The following MZT2B variants were observed in gnomAD, a reference collection of about 807,000 sequenced individuals.
The protein encoded by MZT2B is mitotic-spindle organizing protein 2B.
MZT2B carries 11 observed loss-of-function variants against 12.1 expected under a neutral mutation model. That is an observed-to-expected ratio of 0.91 (90% CI 0.57 to 1.50). The LOEUF is 1.50. MZT2B is among the 40% of genes most tolerant of loss of function. MZT2B has a pLI of 0.00. For missense variants in MZT2B, 209 were observed against 227.7 expected, an observed-to-expected ratio of 0.92 and a Z score of 0.53; for synonymous variants, 85 against 109.5, an observed-to-expected ratio of 0.78 and a Z score of 1.40.
chr2:130,188,828 C>T (rs1437049001), intron 2 of MZT2B, among the ~76,000 whole-genome samples: 3 of 151,894 alleles, frequency 2.0e-5, no homozygotes. Flanking sequence ...ATCTCAGACA[C>T]AGGAGTCTCT....
chr2:130,187,414 T>C (rs1228967945), intron 2 of MZT2B, among the ~76,000 whole-genome samples: 2 of 152,186 alleles, frequency 1.3e-5, no homozygotes, highest in Non-Finnish European at 2.9e-5. Context: ...GTCTCTAGCT[T>C]CTGGCCTCAA....
the MZT2B span, among the ~76,000 whole-genome samples, chr2:130,196,605 C>T: frequency 6.6e-6 from 1 of 152,194 alleles, no homozygotes; most frequent in Non-Finnish European, 1.5e-5. Flanking sequence ...TTTGCCACTA[C>T]ACAAAACTTA....
chr2:130,191,778 C>T (rs143269025), downstream of MZT2B: 1 of 1,572,218 alleles, frequency 6.4e-7, no homozygotes, highest in Non-Finnish European at 8.6e-7. Flanking sequence ...TTGCAAACAA[C>T]TTGAAAGCAG....
intron 1 of MZT2B, 78 bp downstream of exon 1, chr2:130,182,530 G>C: frequency 6.5e-7 from 1 of 1,549,492 alleles, no homozygotes; most frequent in Non-Finnish European, 8.7e-7. Context: ...CGGCCCGCTG[G>C]TCGGGAGGAG....
At chr2:130,200,321 G>T in the MZT2B span, among the ~76,000 whole-genome samples, 1 of 151,854 alleles carries the variant, frequency 6.6e-6, no homozygotes, top group Admixed American at 6.6e-5. Context: ...AACCCGGGAG[G>T]TGGAGCTTGC....
chr2:130,196,859 C>T, the MZT2B span, among the ~76,000 whole-genome samples: 4 of 152,218 alleles, frequency 2.6e-5, no homozygotes, highest in African/African-American at 9.6e-5. Flanking sequence ...ACCACCTGCT[C>T]TGTGCTCTCG....
intron 2 of MZT2B, among the ~76,000 whole-genome samples, chr2:130,187,506 A>G (rs1690109603): frequency 6.6e-6 from 1 of 152,220 alleles, no homozygotes; most frequent in Non-Finnish European, 1.5e-5. Flanking sequence ...GCTGTTTTCA[A>G]CATTCAATGG....
At position 130,182,691 on chromosome 2, in the gene MZT2B, A is replaced by C; in HGVS notation, c.235A>C (p.Met79Leu). ...CGCCGTCTTCCAGATGCTCAAGTCC[A>C]TGTGTGCCGGGCAGAGGCTAGCGAG... ...PLAVFQMLKS[M>L]CAGQRLASEP... is the part of the protein sequence containing the mutation. The change falls in exon 2 of 3, where the codon ATG becomes CTG. Residue 79 changes from methionine to leucine, a missense_variant. Physicochemically the swap from Met to Leu is conservative, Grantham distance 15 (BLOSUM62 2). Transcript: ENST00000281871. 1 of 1,552,378 alleles carries C rather than the reference A, an allele frequency of 6.4e-7. No individual in the cohort carries two copies. Among genetic ancestry groups the C allele is most frequent in the Non-Finnish European group, 8.7e-7 (1 of 1,148,288 alleles).
At chr2:130,184,038 A>C (rs1221532309) in intron 2 of MZT2B, 2 of 1,550,166 alleles carry the variant, frequency 1.3e-6, no homozygotes, top group Non-Finnish European at 1.7e-6. Flanking sequence ...TGGCCCCAGG[A>C]GGCCCAAGCA....
chr2:130,182,263 C>A lies in MZT2B; in HGVS notation c.-20C>A, dbSNP rs533602859. ...AGGGGGCGCGGCGGGGCGGAGCGCA[C>A]CTTTCCGCGGGCCGCGGGGATGGCG... On this transcript the variant is annotated 5_prime_UTR_variant, in exon 1 of 3. Coordinates refer to ENST00000281871, the MANE Select transcript of MZT2B (RefSeq NM_025029.5). The A allele has an allele frequency of 6.4e-3, 8,270 of 1,293,836 alleles. 260 individuals carry two copies. The African/African-American group carries it at 0.088, about 14-fold the overall frequency. The allele number at this position is 1,293,836 out of a possible 1,614,324, so 80.1% of individuals were successfully genotyped here.
chr2:130,181,780 G>A (rs1257067456), upstream of MZT2B: 2 of 1,547,490 alleles, frequency 1.3e-6, no homozygotes, highest in Non-Finnish European at 8.7e-7. Context: ...GCGTTGTGGC[G>A]GCCTCCGGCG....
At chr2:130,194,200 C>T (rs775145104), downstream of MZT2B, 1 of 1,613,094 alleles carries the variant, frequency 6.2e-7, no homozygotes. Context: ...CCAGGTTGCG[C>T]CGACATATGT....
intron 2 of MZT2B, chr2:130,183,030 C>T (rs1028284211): frequency 1.3e-5 from 8 of 606,380 alleles, no homozygotes; most frequent in African/African-American, 7.7e-5. Context: ...CGCTTAGCTC[C>T]CCTCCACCTC....
downstream of MZT2B, chr2:130,192,143 A>G (rs2104746622): frequency 6.3e-7 from 1 of 1,588,806 alleles, no homozygotes; most frequent in African/African-American, 1.3e-5. Context: ...AGAGAAGGGA[A>G]AGAAAGCAGT....
chr2:130,198,523 G>T, the MZT2B span: 2 of 862,422 alleles, frequency 2.3e-6, no homozygotes, highest in Non-Finnish European at 3.4e-6. Context: ...CAGGCCGAGG[G>T]CCGGATCCCA....
chr2:130,186,234 C>G (rs1407232570), intron 2 of MZT2B, among the ~76,000 whole-genome samples: 1 of 152,080 alleles, frequency 6.6e-6, no homozygotes, highest in East Asian at 1.9e-4. Flanking sequence ...TGGGCCAGGC[C>G]CTCTCAAGCT....
At chr2:130,190,096 G>A (rs1558780349) in intron 2 of MZT2B, among the ~76,000 whole-genome samples, 3 of 152,304 alleles carry the variant, frequency 2.0e-5, no homozygotes, top group Admixed American at 2.0e-4. Flanking sequence ...TGCTGCTGCC[G>A]CCGCTGATGG....
the MZT2B span, among the ~76,000 whole-genome samples, chr2:130,203,210 T>A: frequency 6.6e-6 from 1 of 152,168 alleles, no homozygotes; most frequent in South Asian, 2.1e-4. Flanking sequence ...ATGGGGCAGA[T>A]TTTAAAACCA....
At chr2:130,189,233 G>C (rs1427624669) in intron 2 of MZT2B, among the ~76,000 whole-genome samples, 1 of 152,180 alleles carries the variant, frequency 6.6e-6, no homozygotes, top group Non-Finnish European at 1.5e-5. Flanking sequence ...ACCGCACTGA[G>C]GGGGTGGGGT....
Sources: gnomAD v4.1 joint callset for allele counts (sites outside exome capture counted in the v4.1 genomes callset) on GRCh38, gnomAD v4.1.1 for gene constraint, MANE v1.5 for transcripts, NCBI Gene and HGNC (gene_info 2026-07-23, HGNC 2026-07-21) for gene names.